Variants in CUX2 observed in about 807,000 individuals in gnomAD.
CUX2 encodes the protein cut like homeobox 2, also known as homeobox protein cut-like 2.
A neutral mutation model predicts 144.8 loss-of-function variants in CUX2; 40 were observed. That is an observed-to-expected ratio of 0.28 (90% CI 0.21 to 0.36). The LOEUF (loss-of-function observed/expected upper bound fraction) is 0.36, where lower values mean the gene tolerates loss of function less well. CUX2 is among the 10% of genes least tolerant of loss of function. CUX2 has a pLI of 1.00. For synonymous variants in CUX2, 827 were observed against 875.6 expected, an observed-to-expected ratio of 0.94 and a Z score of 0.98; for missense variants, 1,615 against 1,994.0, an observed-to-expected ratio of 0.81 and a Z score of 3.62.
chr12:111,308,323 G>A lies in CUX2; in HGVS notation c.1148G>A (p.Ser383Asn). 6.2e-7 allele frequency: 1 copy of A among 1,614,152 alleles called. No individual in the cohort carries two copies. The highest frequency in any genetic ancestry group is 1.3e-5 in the African/African-American group (1 of 75,020). Residue 383 changes from serine to asparagine, a missense_variant, in exon 13 of 22, where the codon AGC (serine) becomes AAC (asparagine). By Grantham distance (46) the Ser-to-Asn change is conservative (BLOSUM62 1). This residue lies in a region of CUX2 where 57 missense variants were observed against 60.8 expected (regional missense o/e 0.94). Coordinates refer to ENST00000261726, the MANE Select transcript of CUX2 (RefSeq NM_015267.4). The part of the protein sequence containing the change: ...KAMKLASSTC[S>N]LPQGMAKPED... ...ATGAAGCTGGCCTCCAGCACCTGCA[G>A]CCTCCCCCAGGTAAGTGTCCCTGCC...
intron 1 of CUX2, among the ~76,000 whole-genome samples, chr12:111,064,207 T>A (rs1022296374): frequency 8.5e-5 from 13 of 152,276 alleles, no homozygotes; most frequent in Admixed American, 5.2e-4. Flanking sequence ...GAGAGCTGGT[T>A]ACCACCAGCA....
At chr12:111,260,356 C>T (rs566307190) in intron 3 of CUX2, among the ~76,000 whole-genome samples, 8 of 151,626 alleles carry the variant, frequency 5.3e-5, no homozygotes, top group South Asian at 4.2e-4. Flanking sequence ...CCCAGCTACT[C>T]GGGAGGCTGA....
At chr12:111,072,294 CAG>C (rs1871284820) in intron 1 of CUX2, among the ~76,000 whole-genome samples, 1 of 152,204 alleles carries the variant, frequency 6.6e-6, no homozygotes, top group African/African-American at 2.4e-5. Context: ...TTTTATTCGT[CAG>C]AGTTTTGTAG....
In CUX2 at chr12:111,171,060, G is replaced by T. The variant is rs1169307533; in HGVS notation, c.64-43140G>T. ...TGGTTGCCCTGGTGATGCCTCTTGG[G>T]CTGTGACCCAGAGTGGCGTTGGCAT... On this transcript the variant is annotated intron_variant, in intron 1 of 21. Transcript: ENST00000261726. The surrounding 1 kb of genome is among the most constrained non-coding windows in gnomAD (Gnocchi z 5.0). 1.3e-5 allele frequency among the ~76,000 whole-genome samples: 2 copies of T among 152,166 alleles called. No individual in the cohort carries two copies. The highest frequency in any genetic ancestry group is 2.9e-5 in the Non-Finnish European group (2 of 68,020).
At chr12:111,232,343 A>T (rs1437989590) in intron 3 of CUX2, among the ~76,000 whole-genome samples, 2 of 151,792 alleles carry the variant, frequency 1.3e-5, no homozygotes, top group African/African-American at 2.4e-5. Flanking sequence ...CTCTACAAAA[A>T]TTTTTTAAAA....
In CUX2 at chr12:111,298,584, A is replaced by C. The variant is rs779340550; in HGVS notation, c.748A>C (p.Asn250His). 5 of 1,571,404 alleles carry C rather than the reference A, an allele frequency of 3.2e-6. No individual in the cohort carries two copies. The highest frequency in any genetic ancestry group is 4.3e-6 in the Non-Finnish European group (5 of 1,157,130). Reference sequence around the variant, plus strand: ...GATCATGACCAACCTGGAGAAAGCTAATCAGGTGAGGAGGCGCAGTTCCCA... The same window carrying C: ...GATCATGACCAACCTGGAGAAAGCTCATCAGGTGAGGAGGCGCAGTTCCCA... ...GLIMTNLEKA[N>H]QRAEAAQREV... Residue 250 changes from asparagine to histidine, a missense_variant, in exon 9 of 22, where the codon AAT (asparagine) becomes CAT (histidine). Around this residue, in one of 12 missense-constraint regions of CUX2, gnomAD observed 295 missense variants for 400.2 expected, o/e 0.74. Coordinates refer to ENST00000261726, the MANE Select transcript of CUX2 (RefSeq NM_015267.4).
chr12:111,082,564 A>G (rs1266835495), intron 1 of CUX2, among the ~76,000 whole-genome samples: 1 of 152,220 alleles, frequency 6.6e-6, no homozygotes, highest in Non-Finnish European at 1.5e-5. Context: ...CTGGGATGTT[A>G]AAGCCCAGGG....
At chr12:111,169,145 T>C in intron 1 of CUX2, among the ~76,000 whole-genome samples, 1 of 152,152 alleles carries the variant, frequency 6.6e-6, no homozygotes, top group East Asian at 1.9e-4. Context: ...CTGATTGTAC[T>C]TGTCAAAAGG....
chr12:111,210,790 C>G (rs1881180088), intron 1 of CUX2, among the ~76,000 whole-genome samples: 1 of 148,468 alleles, frequency 6.7e-6, no homozygotes, highest in Admixed American at 6.7e-5. Context: ...AGAGTGAGAC[C>G]CTGTCTCAAA....
intron 1 of CUX2, among the ~76,000 whole-genome samples, chr12:111,127,169 G>A (rs1348788757): frequency 6.6e-6 from 1 of 152,206 alleles, no homozygotes; most frequent in Non-Finnish European, 1.5e-5. Flanking sequence ...CCTCAGTTCT[G>A]TAACTGATCA....
chr12:111,129,237 G>A (rs973932676), intron 1 of CUX2, among the ~76,000 whole-genome samples: 1 of 152,250 alleles, frequency 6.6e-6, no homozygotes, highest in African/African-American at 2.4e-5. Flanking sequence ...TGCTCACAAG[G>A]TCCAATAAGC....
At chr12:111,203,551 A>G (rs1223521404) in intron 1 of CUX2, among the ~76,000 whole-genome samples, 6 of 150,806 alleles carry the variant, frequency 4.0e-5, no homozygotes, top group Non-Finnish European at 8.8e-5. Context: ...TCTCAAAAAA[A>G]AAAAAAAAGA....
In CUX2 at chr12:111,308,364, C is replaced by T. The variant is rs770359363; in HGVS notation, c.1158+31C>T. On this transcript the variant is annotated intron_variant, in intron 13 of 21. Transcript: ENST00000261726. ...TGTCCCTGCCACCATCCCTGCAGGG[C>T]AGGCTGCCCCAGTGAGCCTTCCGCC... 3.7e-6 allele frequency: 6 copies of T among 1,613,844 alleles called. No individual in the cohort carries two copies. In the Admixed American group the frequency reaches 5.0e-5, roughly 13 times the overall value.
At chr12:111,053,434 A>G (rs776103481) in intron 1 of CUX2, among the ~76,000 whole-genome samples, 5 of 152,180 alleles carry the variant, frequency 3.3e-5, no homozygotes, top group Admixed American at 6.5e-5. Flanking sequence ...GAGGCCTCCC[A>G]TGGACACACA....
At chr12:111,151,966 C>T (rs1246759873) in intron 1 of CUX2, among the ~76,000 whole-genome samples, 1 of 152,130 alleles carries the variant, frequency 6.6e-6, no homozygotes, top group Non-Finnish European at 1.5e-5. Context: ...TGCTAGAAAC[C>T]TCACGTGCTC....
In CUX2 at chr12:111,295,209, G is replaced by C. The variant is rs995693457; in HGVS notation, c.561-124G>C. 1 of 725,672 alleles carries C rather than the reference G, an allele frequency of 1.4e-6. No individual in the cohort carries two copies. Among genetic ancestry groups the C allele is most frequent in the African/African-American group, 1.8e-5 (1 of 54,480 alleles). 45.0% of individuals were successfully genotyped at this position (725,672 alleles called of 1,614,324 possible). ...TGAATGTCGTGTCTAAGGACTTGCA[G>C]AAAGACAGAGGTGCAGGTTACAGGG... On this transcript the variant is annotated intron_variant, in intron 6 of 21. Transcript: ENST00000261726. This position sits in a 1 kb window ranked among gnomAD's most constrained non-coding sequence, Gnocchi z 5.0.
rs926459784 is a variant in CUX2, at chr12:111,134,780, T to C, written c.64-79420T>C. 4.2e-4 allele frequency among the ~76,000 whole-genome samples: 64 copies of C among 151,860 alleles called. 1 individual carries two copies. The highest frequency in any genetic ancestry group is 1.5e-3 in the African/African-American group (62 of 41,298). On this transcript the variant is annotated intron_variant, in intron 1 of 21. Transcript: ENST00000261726. Reference sequence around the variant, plus strand: ...GTCAAGGAAGACTCCCTGGAGGAGGTGACACTTGAGCTGTGTTATGAAGGA... The same window carrying C: ...GTCAAGGAAGACTCCCTGGAGGAGGCGACACTTGAGCTGTGTTATGAAGGA...
intron 1 of CUX2, among the ~76,000 whole-genome samples, chr12:111,183,334 C>A (rs549204104): frequency 6.6e-6 from 1 of 152,336 alleles, no homozygotes; most frequent in African/African-American, 2.4e-5. Flanking sequence ...GGGGGTGGCT[C>A]CTGCTTCATC....
chr12:111,286,639 A>C (rs1171315079), intron 4 of CUX2, among the ~76,000 whole-genome samples: 1 of 152,072 alleles, frequency 6.6e-6, no homozygotes. Context: ...TTGGGAGGCC[A>C]AGGCAGGTGG....
Sources: gnomAD v4.1 joint callset for allele counts (sites outside exome capture counted in the v4.1 genomes callset) on GRCh38, gnomAD v4.1.1 for gene constraint, gnomAD v4.1.1 regional missense constraint, Gnocchi (gnomAD v3.1) non-coding constraint, MANE v1.5 for transcripts, NCBI Gene and HGNC (gene_info 2026-07-23, HGNC 2026-07-21) for gene names.